The following TTC28 variants were observed in gnomAD, a reference collection of about 807,000 sequenced individuals.
TTC28 encodes tetratricopeptide repeat protein 28.
Under a neutral mutation model 198.0 loss-of-function variants are expected in TTC28, and 61 were observed. The ratio of observed to expected loss-of-function variants is 0.31; its 90% confidence interval spans 0.25 to 0.38. The LOEUF (loss-of-function observed/expected upper bound fraction) is 0.38, where lower values mean the gene tolerates loss of function less well. TTC28 is among the 10% of genes least tolerant of loss of function. TTC28 has a pLI of 1.00. For synonymous variants in TTC28, 1,171 were observed against 1,297.8 expected, an observed-to-expected ratio of 0.90 and a Z score of 2.10; for missense variants, 2,678 against 3,164.0, an observed-to-expected ratio of 0.85 and a Z score of 3.69.
intron 5 of TTC28, among the ~76,000 whole-genome samples, chr22:28,164,404 G>A (rs769355817): frequency 1.2e-4 from 19 of 152,134 alleles, no homozygotes; most frequent in African/African-American, 1.7e-4. Flanking sequence ...CAGTAGGGGC[G>A]GACTGACACC....
In TTC28 at chr22:28,005,397, T is replaced by G. The variant is rs1270943918; in HGVS notation, c.4219-3844A>C. Among the ~76,000 whole-genome samples, 1 of 152,202 alleles carries G rather than the reference T, an allele frequency of 6.6e-6. No individual in the cohort carries two copies. Among genetic ancestry groups the G allele is most frequent in the Non-Finnish European group, 1.5e-5 (1 of 68,028 alleles). On this transcript the variant is annotated intron_variant, in intron 14 of 22. Transcript: ENST00000397906. The surrounding 1 kb of genome is among the most constrained non-coding windows in gnomAD (Gnocchi z 4.9). The stretch of plus-strand genomic sequence containing the variant: ...CTGACAGGGTGGGCAGTGAGTGCAC[T>G]GGAGGTGGCTTTGTGCAGCTGTTGT...
chr22:28,605,334 A>G (rs913229449), intron 2 of TTC28, among the ~76,000 whole-genome samples: 2 of 152,218 alleles, frequency 1.3e-5, no homozygotes, highest in African/African-American at 2.4e-5. Context: ...TAATGTACAA[A>G]TAAGTAAACA....
chr22:28,604,445 T>C (rs2050697082), intron 2 of TTC28, among the ~76,000 whole-genome samples: 1 of 151,756 alleles, frequency 6.6e-6, no homozygotes, highest in African/African-American at 2.4e-5. Context: ...TCTCGTTTCA[T>C]TAAGATAGAA....
intron 5 of TTC28, chr22:28,232,898 C>T (rs1928924212): frequency 6.6e-6 from 1 of 152,014 alleles, no homozygotes; most frequent in African/African-American, 2.4e-5. Context: ...GTCAGGAGTT[C>T]AAGACCAGCC....
intron 3 of TTC28, among the ~76,000 whole-genome samples, chr22:28,305,270 C>T (rs907060768): frequency 2.0e-5 from 3 of 152,158 alleles, no homozygotes; most frequent in African/African-American, 7.2e-5. Flanking sequence ...GGATTACAGG[C>T]ATAAGCCAAC....
At chr22:28,582,627 A>G (rs1055966856) in intron 2 of TTC28, among the ~76,000 whole-genome samples, 7 of 152,218 alleles carry the variant, frequency 4.6e-5, no homozygotes, top group Admixed American at 3.3e-4. Context: ...AAAATCCATT[A>G]AACAGTTTTA....
At chr22:28,507,683 A>G (rs1280153195) in intron 2 of TTC28, among the ~76,000 whole-genome samples, 1 of 152,228 alleles carries the variant, frequency 6.6e-6, no homozygotes, top group African/African-American at 2.4e-5. Context: ...CTACAAAGGG[A>G]AGCCTATCAG....
chr22:28,443,301 A>C (rs1036600335), intron 2 of TTC28, among the ~76,000 whole-genome samples: 18 of 152,314 alleles, frequency 1.2e-4, no homozygotes, highest in African/African-American at 4.3e-4. Context: ...TCTACCATCC[A>C]AACCCCTTTT....
chr22:28,030,390 G>A, intron 12 of TTC28, 24 bp from the exon 13 acceptor site: 2 of 1,551,414 alleles, frequency 1.3e-6, no homozygotes, highest in Non-Finnish European at 8.7e-7. Flanking sequence ...TGCAGAAAAA[G>A]CCAATCAGAG....
At chr22:28,071,748 G>GAAAAAA (rs371615737) in intron 12 of TTC28, among the ~76,000 whole-genome samples, 3 of 91,132 alleles carry the variant, frequency 3.3e-5, no homozygotes, top group Non-Finnish European at 6.9e-5. Context: ...AAAAAAAAAG[G>GAAAAAA]AAAAAAAAAA....
At chr22:28,597,806 G>A (rs2050566827) in intron 2 of TTC28, among the ~76,000 whole-genome samples, 1 of 152,014 alleles carries the variant, frequency 6.6e-6, no homozygotes, top group South Asian at 2.1e-4. Flanking sequence ...CGGGGAGGTG[G>A]GGAGGGAGAG....
intron 5 of TTC28, among the ~76,000 whole-genome samples, chr22:28,171,941 T>C (rs1359067213): frequency 1.3e-5 from 2 of 152,150 alleles, no homozygotes; most frequent in Non-Finnish European, 2.9e-5. Flanking sequence ...CAAGGAACTT[T>C]CTACTGCTTC....
rs1051151644 is a variant in TTC28, at chr22:28,350,429, G to A, written c.382-43786C>T. Among the ~76,000 whole-genome samples, 6 of 152,152 alleles carry A rather than the reference G, an allele frequency of 3.9e-5. No individual in the cohort carries two copies. The South Asian group carries it at 6.2e-4, about 16-fold the overall frequency. Reference sequence around the variant, plus strand: ...AAAGTTGTTTTTCATGGTTTAATGTGTTTTGCTCAAATCCTAAAATTTGCT... The same window carrying A: ...AAAGTTGTTTTTCATGGTTTAATGTATTTTGCTCAAATCCTAAAATTTGCT... On this transcript the variant is annotated intron_variant, in intron 2 of 22. Coordinates refer to ENST00000397906, the MANE Select transcript of TTC28 (RefSeq NM_001145418.2).
chr22:28,137,508 T>C (rs1004668676), intron 6 of TTC28, among the ~76,000 whole-genome samples: 4 of 152,114 alleles, frequency 2.6e-5, no homozygotes, highest in East Asian at 1.9e-4. Flanking sequence ...ACAAACACTG[T>C]GAGTAGTTCT....
rs548373572 is a variant in TTC28 at position 28,586,232 on chromosome 22, T to C, written c.381+43320A>G. ...AGGCAGAGCTTGCAGGGAGCCAAGA[T>C]TGCACCACTACATTCCAGCCTGGGC... is the stretch of plus-strand genomic sequence containing the variant. On this transcript the variant is annotated intron_variant, in intron 2 of 22. Coordinates refer to ENST00000397906, the MANE Select transcript of TTC28 (RefSeq NM_001145418.2). 6.0e-5 allele frequency among the ~76,000 whole-genome samples: 9 copies of C among 151,144 alleles called. No individual in the cohort carries two copies. The East Asian group carries it at 7.8e-4, about 13-fold the overall frequency.
At chr22:28,634,583 C>CTTTTT (rs145807756) in intron 1 of TTC28, among the ~76,000 whole-genome samples, 1 of 141,228 alleles carries the variant, frequency 7.1e-6, no homozygotes. Context: ...AAGTCCTTTT[C>CTTTTT]TTTTTTTTCT....
chr22:28,419,412 T>G (rs2047215276), intron 2 of TTC28, among the ~76,000 whole-genome samples: 1 of 152,196 alleles, frequency 6.6e-6, no homozygotes, highest in South Asian at 2.1e-4. Context: ...GTTAACCTCT[T>G]TAATAAATAA....
At position 28,101,158 on chromosome 22, in the gene TTC28, G is replaced by A; in HGVS notation, c.3417+13C>T. On this transcript the variant is annotated intron_variant, in intron 9 of 22. Transcript: ENST00000397906. ...GAAACAAAAAATCCACTTCAGTCAGGGGTTCTGCTTACCTGGTGTTGGGCC... is the reference window on the plus strand; with the variant it reads ...GAAACAAAAAATCCACTTCAGTCAGAGGTTCTGCTTACCTGGTGTTGGGCC... 1 of 1,538,248 alleles carries A rather than the reference G, an allele frequency of 6.5e-7. No individual in the cohort carries two copies. The highest frequency in any genetic ancestry group is 8.8e-7 in the Non-Finnish European group (1 of 1,136,828).
At chr22:28,299,239 A>AT (rs1039947259) in intron 3 of TTC28, among the ~76,000 whole-genome samples, 12 of 148,426 alleles carry the variant, frequency 8.1e-5, no homozygotes, top group Non-Finnish European at 1.6e-4. Context: ...CACTATGCAC[A>AT]TGTAAAAAAA....
Sources: gnomAD v4.1 joint callset for allele counts (sites outside exome capture counted in the v4.1 genomes callset) on GRCh38, gnomAD v4.1.1 for gene constraint, Gnocchi (gnomAD v3.1) non-coding constraint, MANE v1.5 for transcripts, NCBI Gene and HGNC (gene_info 2026-07-23, HGNC 2026-07-21) for gene names.